The following CENPO variants were observed in gnomAD, a reference collection of about 807,000 sequenced individuals.
CENPO encodes the protein centromeric protein O.
In CENPO, 30 loss-of-function variants were observed where a neutral mutation model predicts 36.1. The ratio of observed to expected loss-of-function variants is 0.83; its 90% CI spans 0.62 to 1.13. CENPO has a LOEUF of 1.13. CENPO is among the 50% of genes most tolerant of loss of function. CENPO has a pLI of 0.00. For synonymous variants in CENPO, 171 were observed against 142.3 expected, an observed-to-expected ratio of 1.20 and a Z score of -1.44; for missense variants, 349 against 357.8, an observed-to-expected ratio of 0.98 and a Z score of 0.20.
At chr2:24,794,289 A>T (rs1485574172) in intron 2 of CENPO, among the ~76,000 whole-genome samples, 1 of 152,096 alleles carries the variant, frequency 6.6e-6, no homozygotes, top group Non-Finnish European at 1.5e-5. Flanking sequence ...ATTACTCTTG[A>T]GGGAGGGCCA....
rs1665750584 is a variant in CENPO, at chr2:24,793,844, T to G, written c.-68-8T>G. The G allele has an allele frequency of 6.2e-7, 1 of 1,608,330 alleles. No individual in the cohort carries two copies. Among genetic ancestry groups the G allele is most frequent in the East Asian group, 2.2e-5 (1 of 44,856 alleles). The stretch of plus-strand genomic sequence containing the variant: ...GTGATGTGACTGTTGCCATTTTTCT[T>G]TTATTAGCAAGGACATTGGAGTCCC... On this transcript the variant is annotated splice_polypyrimidine_tract_variant and splice_region_variant and intron_variant, in intron 1 of 7. Transcript: ENST00000380834.
chr2:24,821,376 G>T lies in CENPO; in HGVS notation c.*2058G>T. 7.9e-7 allele frequency: 1 copy of T among 1,260,690 alleles called. No individual in the cohort carries two copies. The highest frequency in any genetic ancestry group is 1.1e-6 in the Non-Finnish European group (1 of 914,776). The allele number at this position is 1,260,690 out of a possible 1,614,324, so 78.1% of individuals were successfully genotyped here. On this transcript the variant is annotated 3_prime_UTR_variant, in exon 8 of 8. Transcript: ENST00000380834. ...GTCGTCTGGACTAAAGGTCTTTCAG[G>T]TCTCCTTGCCCTGTGAGTGCGTGAA... is the stretch of plus-strand genomic sequence containing the variant.
At position 24,793,436 on chromosome 2, in the gene CENPO, G is replaced by C; in HGVS notation, c.-134G>C. The C allele has an allele frequency of 1.2e-6, 2 of 1,606,018 alleles. No homozygotes were observed. On this transcript the variant is annotated 5_prime_UTR_variant, in exon 1 of 8. Coordinates refer to ENST00000380834, the MANE Select transcript of CENPO (RefSeq NM_001322101.2). The stretch of plus-strand genomic sequence containing the variant: ...TGCTTTTGTACGGCAGGATCGCAAA[G>C]CACGCCGGGACCGGTTGGTTTGGTT...
intron 3 of CENPO, among the ~76,000 whole-genome samples, chr2:24,801,662 T>C (rs1277584362): frequency 6.6e-6 from 1 of 152,128 alleles, no homozygotes; most frequent in Admixed American, 6.6e-5. Flanking sequence ...TTTCTGAGGC[T>C]TCTGTTCTGT....
chr2:24,820,126 G>C lies in CENPO; in HGVS notation c.*808G>C. ...GTTTCTTCTACCACCTGGAGAGGGA[G>C]GGGGAGCAAGAACGTGGCGTTACGG... On this transcript the variant is annotated 3_prime_UTR_variant, in exon 8 of 8. Transcript: ENST00000380834. 3.9e-6 allele frequency: 6 copies of C among 1,533,114 alleles called. No individual in the cohort carries two copies. Among genetic ancestry groups the C allele is most frequent in the Non-Finnish European group, 5.3e-6 (6 of 1,140,282 alleles). 95.0% of individuals were successfully genotyped at this position (1,533,114 alleles called of 1,614,324 possible). A position where few individuals can be genotyped will look rare whatever the true frequency, so the allele number is the denominator to read the frequency against.
intron 3 of CENPO, 124 bp downstream of exon 3, chr2:24,799,968 T>A: frequency 9.2e-7 from 1 of 1,084,484 alleles, no homozygotes; most frequent in Non-Finnish European, 1.3e-6. Flanking sequence ...TTGATTGCAG[T>A]CCTTGATCCC....
At position 24,821,035 on chromosome 2, in the gene CENPO, G is replaced by C. The variant is rs959778052; in HGVS notation, c.*1717G>C. Reference sequence around the variant, plus strand: ...TCCTGTTTATCCGTGTGCTTGTTAGGTGTCAGCCGCCACCCCCCCCCCATA... The same window carrying C: ...TCCTGTTTATCCGTGTGCTTGTTAGCTGTCAGCCGCCACCCCCCCCCCATA... On this transcript the variant is annotated 3_prime_UTR_variant, in exon 8 of 8. Transcript: ENST00000380834. 11 of 813,106 alleles carry C rather than the reference G, an allele frequency of 1.4e-5. No individual in the cohort carries two copies. The highest frequency in any genetic ancestry group is 7.2e-4 in the Middle Eastern group (2 of 2,766). 50.4% of individuals were successfully genotyped at this position (813,106 alleles called of 1,614,324 possible).
chr2:24,793,982 C>T lies in CENPO; in HGVS notation c.46+17C>T, dbSNP rs758362382. The T allele has an allele frequency of 6.3e-7, 1 of 1,578,206 alleles. No homozygotes were observed. On this transcript the variant is annotated intron_variant, in intron 2 of 7. Transcript: ENST00000380834. ...CCAAAGGAGGTATTCAGAGGGTCGC[C>T]GCCTCCTTCCTGCTGCTGCCCAAAG...
chr2:24,816,435 C>T lies in CENPO; in HGVS notation c.595-211C>T, dbSNP rs1310116776. 9.8e-5 allele frequency: 52 copies of T among 528,034 alleles called. 1 individual carries two copies. In the East Asian group the frequency reaches 1.6e-3, roughly 16 times the overall value. 32.7% of individuals were successfully genotyped at this position (528,034 alleles called of 1,614,324 possible). A position where few individuals can be genotyped will look rare whatever the true frequency, so the allele number is the denominator to read the frequency against. ...GAAGCTGTACCCCTGGCCATTTAGGCCTATAGGCCTTTCCAGGCTGCCAGT... is the reference window on the plus strand; with the variant it reads ...GAAGCTGTACCCCTGGCCATTTAGGTCTATAGGCCTTTCCAGGCTGCCAGT... On this transcript the variant is annotated intron_variant, in intron 5 of 7. Transcript: ENST00000380834.
At chr2:24,818,554 A>T (rs1667072433) in intron 7 of CENPO, among the ~76,000 whole-genome samples, 1 of 152,202 alleles carries the variant, frequency 6.6e-6, no homozygotes. Context: ...AGTAGGATAA[A>T]ATAATCAGAG....
intron 2 of CENPO, among the ~76,000 whole-genome samples, chr2:24,798,367 A>T (rs1255378273): frequency 1.3e-5 from 2 of 152,122 alleles, no homozygotes; most frequent in Non-Finnish European, 2.9e-5. Context: ...GAAAAGGGTA[A>T]CTGATCATTT....
intron 7 of CENPO, 58 bp downstream of exon 7, chr2:24,817,899 C>A: frequency 7.2e-7 from 1 of 1,389,068 alleles, no homozygotes; most frequent in Admixed American, 1.9e-5. Context: ...ATGAAGGGTA[C>A]ATCACCCTTC....
At chr2:24,797,285 G>A (rs892602064) in intron 2 of CENPO, among the ~76,000 whole-genome samples, 2 of 152,220 alleles carry the variant, frequency 1.3e-5, no homozygotes, top group Non-Finnish European at 2.9e-5. Flanking sequence ...TCCAGTCATG[G>A]AGGGGTTTAG....
Position 24,820,413 on chromosome 2 carries a change from C to T in CENPO, c.*1095C>T. On this transcript the variant is annotated 3_prime_UTR_variant, in exon 8 of 8. Coordinates refer to ENST00000380834, the MANE Select transcript of CENPO (RefSeq NM_001322101.2). ...AAACTGCCACTGCCTGCTCTTCTGT[C>T]CCTTTGCCCCTTTCGTGGAGCTTTT... is the stretch of plus-strand genomic sequence containing the variant. 1.5e-6 allele frequency: 2 copies of T among 1,324,204 alleles called. No individual in the cohort carries two copies. Among genetic ancestry groups the T allele is most frequent in the African/African-American group, 1.5e-5 (1 of 66,588 alleles). The allele number at this position is 1,324,204 out of a possible 1,614,324, so 82.0% of individuals were successfully genotyped here. A position where few individuals can be genotyped will look rare whatever the true frequency, so the allele number is the denominator to read the frequency against.
At chr2:24,814,119 C>G (rs1033173565) in intron 3 of CENPO, among the ~76,000 whole-genome samples, 3 of 152,202 alleles carry the variant, frequency 2.0e-5, no homozygotes, top group Non-Finnish European at 4.4e-5. Flanking sequence ...TCTTGCTGCT[C>G]TCTCAGTCCT....
At position 24,799,765 on chromosome 2, in the gene CENPO, G is replaced by A. The variant is rs1377631932; in HGVS notation, c.137G>A (p.Gly46Asp). The change falls in exon 3 of 8, where the codon GGT becomes GAT. Residue 46 changes from glycine (G) to aspartate (D), a missense_variant. By Grantham distance (94) the Gly-to-Asp change is moderately conservative. Transcript: ENST00000380834. ...EELQSVQAQE[G>D]ALGTKIHKLR... ...CTGCAGAGCGTGCAGGCCCAGGAAG[G>A]TGCTCTTGGAACCAAGATTCATAAA... 5.0e-6 allele frequency: 8 copies of A among 1,613,964 alleles called. No individual in the cohort carries two copies. The highest frequency in any genetic ancestry group is 6.8e-6 in the Non-Finnish European group (8 of 1,180,026).
chr2:24,820,611 C>G lies in CENPO; in HGVS notation c.*1293C>G, dbSNP rs1667483991. On this transcript the variant is annotated 3_prime_UTR_variant, in exon 8 of 8. Coordinates refer to ENST00000380834, the MANE Select transcript of CENPO (RefSeq NM_001322101.2). ...TTCCACTTGCCCCACGTCTCTGCCT[C>G]TGGACTTACTGTTCAGGGCCAGGGT... The G allele has an allele frequency of 1.0e-5, 16 of 1,535,836 alleles. No homozygotes were observed. The highest frequency in any genetic ancestry group is 3.8e-5 in the South Asian group (3 of 79,942).
intron 3 of CENPO, among the ~76,000 whole-genome samples, chr2:24,807,819 C>T (rs1225705492): frequency 6.6e-6 from 1 of 152,172 alleles, no homozygotes; most frequent in Non-Finnish European, 1.5e-5. Context: ...AAAAATTTGT[C>T]ATTCTGGTGG....
chr2:24,806,485 G>A (rs894504080), intron 3 of CENPO, among the ~76,000 whole-genome samples: 7 of 152,298 alleles, frequency 4.6e-5, no homozygotes, highest in African/African-American at 1.7e-4. Context: ...CCTAACATTT[G>A]TCAGGCACTA....
Sources: allele counts gnomAD v4.1 joint callset (sites outside exome capture counted in the v4.1 genomes callset), GRCh38; gene constraint gnomAD v4.1.1; transcripts MANE v1.5; gene names NCBI Gene and HGNC (gene_info 2026-07-23, HGNC 2026-07-21).